PEAK1: variants seen among roughly 807,000 people sequenced by gnomAD.
PEAK1 encodes the protein inactive tyrosine-protein kinase PEAK1.
PEAK1 carries 54 observed loss-of-function variants against 124.7 expected under a neutral mutation model. That is an observed-to-expected ratio of 0.43 (90% CI 0.35 to 0.54). The LOEUF (loss-of-function observed/expected upper bound fraction) is 0.54. Ranked by LOEUF, PEAK1 falls within the 20% of genes least tolerant of loss-of-function variation. The pLI, the probability that PEAK1 is intolerant of heterozygous loss-of-function variation, is 0.01. For synonymous variants in PEAK1, 719 were observed against 760.0 expected (o/e 0.95, Z 0.89); for missense variants, 2,046 against 2,134.5 (o/e 0.96, Z 0.82).
chr15:77,346,693 T>C (rs2066892717), intron 2 of PEAK1: 6 of 984,286 alleles, frequency 6.1e-6, no homozygotes, highest in Non-Finnish European at 7.2e-6. Flanking sequence ...TGTATCTTCC[T>C]GACTACCAAA....
chr15:77,309,279 T>C (rs115527236), intron 2 of PEAK1, among the ~76,000 whole-genome samples: 4,667 of 152,110 alleles, frequency 0.031, 256 homozygotes, highest in African/African-American at 0.11. Context: ...GCTTAGGACT[T>C]TGAAGTTCAT....
At chr15:77,290,571 T>C (rs1367952311) in intron 2 of PEAK1, among the ~76,000 whole-genome samples, 1 of 151,930 alleles carries the variant, frequency 6.6e-6, no homozygotes, top group Non-Finnish European at 1.5e-5. Context: ...TTTTTTTTTT[T>C]TGCTCAGTTG....
chr15:77,170,578 A>AG (rs2056438264), intron 7 of PEAK1, among the ~76,000 whole-genome samples: 1 of 152,192 alleles, frequency 6.6e-6, no homozygotes, highest in Non-Finnish European at 1.5e-5. Context: ...AATAGATATC[A>AG]GGGGGCAAGA....
chr15:77,261,633 T>C (rs1328034629), intron 5 of PEAK1, among the ~76,000 whole-genome samples: 4 of 152,164 alleles, frequency 2.6e-5, no homozygotes, highest in Admixed American at 6.5e-5. Flanking sequence ...CTATATCTGA[T>C]TGGTGTACCT....
At chr15:77,214,376 G>A (rs1431341064) in intron 6 of PEAK1, among the ~76,000 whole-genome samples, 1 of 151,726 alleles carries the variant, frequency 6.6e-6, no homozygotes, top group African/African-American at 2.4e-5. Flanking sequence ...CAGTACTTTG[G>A]GAGGCTGAGG....
At chr15:77,394,148 C>T (rs767646844) in intron 1 of PEAK1, among the ~76,000 whole-genome samples, 8 of 152,184 alleles carry the variant, frequency 5.3e-5, no homozygotes, top group Non-Finnish European at 1.0e-4. Flanking sequence ...GTTTCCAACT[C>T]CAGGCCCTGG....
intron 8 of PEAK1, among the ~76,000 whole-genome samples, chr15:77,144,882 T>C (rs958276171): frequency 4.6e-5 from 7 of 152,200 alleles, no homozygotes; most frequent in Non-Finnish European, 8.8e-5. Context: ...GCTGTTTTTA[T>C]TTTAAACTTT....
Position 77,198,506 on chromosome 15 carries a change from G to C in PEAK1, c.-114-16466C>G, listed in dbSNP as rs530836051. Among the ~76,000 whole-genome samples, 13 of 152,252 alleles carry C rather than the reference G, an allele frequency of 8.5e-5. No individual in the cohort carries two copies. In the East Asian group the frequency reaches 2.3e-3, roughly 27 times the overall value. ...TAGCTTTAACTGCCCACCATTGCAAGATAAATGAATCTAGCCTAAGGACCA... is the reference window on the plus strand; with the variant it reads ...TAGCTTTAACTGCCCACCATTGCAACATAAATGAATCTAGCCTAAGGACCA... On this transcript the variant is annotated intron_variant, in intron 6 of 9. Coordinates refer to ENST00000682557, the MANE Select transcript of PEAK1 (RefSeq NM_001385026.1).
At chr15:77,141,674 T>C (rs570977526) in intron 8 of PEAK1, among the ~76,000 whole-genome samples, 21 of 152,272 alleles carry the variant, frequency 1.4e-4, no homozygotes, top group African/African-American at 2.9e-4. Context: ...GGCGTAAGAA[T>C]AGAAATATAG....
At chr15:77,246,422 G>A (rs770779450) in intron 6 of PEAK1, among the ~76,000 whole-genome samples, 4 of 152,098 alleles carry the variant, frequency 2.6e-5, no homozygotes, top group Non-Finnish European at 4.4e-5. Flanking sequence ...TACTCAGGAC[G>A]CTGAGGTAGG....
At chr15:77,242,839 A>G (rs943719123) in intron 6 of PEAK1, among the ~76,000 whole-genome samples, 1 of 152,196 alleles carries the variant, frequency 6.6e-6, no homozygotes, top group Non-Finnish European at 1.5e-5. Flanking sequence ...AACACATGAA[A>G]TTGAAGTCAA....
intron 6 of PEAK1, among the ~76,000 whole-genome samples, chr15:77,217,604 C>T (rs1026022563): frequency 1.1e-4 from 17 of 152,004 alleles, no homozygotes; most frequent in Non-Finnish European, 1.8e-4. Context: ...TGGTTCCTTC[C>T]GACTTCTTTT....
chr15:77,387,706 C>CA (rs1264128910), intron 1 of PEAK1, among the ~76,000 whole-genome samples: 2 of 151,594 alleles, frequency 1.3e-5, no homozygotes, highest in Admixed American at 6.6e-5. Flanking sequence ...TGAGAATTCC[C>CA]AAAAAAACAA....
chr15:77,255,427 C>A, intron 5 of PEAK1: 1 of 955,968 alleles, frequency 1.0e-6, no homozygotes, highest in Non-Finnish European at 1.2e-6. Context: ...TCTCTCCCTG[C>A]ATTAGAAAAG....
chr15:77,244,637 G>A (rs1350557764), intron 6 of PEAK1, among the ~76,000 whole-genome samples: 2 of 151,396 alleles, frequency 1.3e-5, no homozygotes, highest in Non-Finnish European at 2.9e-5. Flanking sequence ...CACCCAGGCT[G>A]GACTGCAGTG....
chr15:77,309,290 AG>A (rs769452248), intron 2 of PEAK1, among the ~76,000 whole-genome samples: 3 of 152,118 alleles, frequency 2.0e-5, no homozygotes, highest in Admixed American at 6.6e-5. Context: ...TGAAGTTCAT[AG>A]AAAGTTCAGC....
intron 6 of PEAK1, among the ~76,000 whole-genome samples, chr15:77,216,633 T>C (rs1414243643): frequency 6.6e-6 from 1 of 152,200 alleles, no homozygotes; most frequent in Non-Finnish European, 1.5e-5. Flanking sequence ...TGGCAGTCCA[T>C]TCACACTTAT....
At chr15:77,300,609 A>G (rs1421552097) in intron 2 of PEAK1, among the ~76,000 whole-genome samples, 1 of 152,208 alleles carries the variant, frequency 6.6e-6, no homozygotes. Context: ...TACTAAAACA[A>G]TATAAATACA....
intron 1 of PEAK1, among the ~76,000 whole-genome samples, chr15:77,386,384 T>A (rs1214236446): frequency 6.6e-6 from 1 of 152,220 alleles, no homozygotes; most frequent in Non-Finnish European, 1.5e-5. Flanking sequence ...TTCATAGATT[T>A]CTAGTTTGGA....
Sources: allele counts gnomAD v4.1 joint callset (sites outside exome capture counted in the v4.1 genomes callset), GRCh38; gene constraint gnomAD v4.1.1; transcripts MANE v1.5; gene names NCBI Gene and HGNC (gene_info 2026-07-23, HGNC 2026-07-21).